Variants in DCLK2 observed in about 807,000 individuals in gnomAD.
The protein encoded by DCLK2 is doublecortin like kinase 2.
In DCLK2, 31 loss-of-function variants were observed where a neutral mutation model predicts 78.4. The ratio of observed to expected loss-of-function variants is 0.40; its 90% CI spans 0.30 to 0.53. The LOEUF is 0.53. Ranked by LOEUF, DCLK2 falls within the 20% of genes least tolerant of loss-of-function variation. DCLK2 has a pLI of 0.61. For synonymous variants in DCLK2, 407 were observed against 374.9 expected, an observed-to-expected ratio of 1.09 and a Z score of -0.99; for missense variants, 872 against 973.7, an observed-to-expected ratio of 0.90 and a Z score of 1.39.
chr4:150,191,133 CA>C (rs1248962503), intron 2 of DCLK2, among the ~76,000 whole-genome samples: 1 of 152,034 alleles, frequency 6.6e-6, no homozygotes, highest in East Asian at 1.9e-4. Flanking sequence ...TCAAAAGGAA[CA>C]AACAAAAAAC....
At chr4:150,174,783 G>C (rs1450985786) in intron 2 of DCLK2, among the ~76,000 whole-genome samples, 1 of 150,874 alleles carries the variant, frequency 6.6e-6, no homozygotes, top group Non-Finnish European at 1.5e-5. Context: ...GATCACCTGA[G>C]GTCAGGAGTT....
chr4:150,255,945 G>GTGC (rs1744524096), intron 15 of DCLK2, 75 bp from the exon 16 acceptor site: 2 of 1,560,346 alleles, frequency 1.3e-6, no homozygotes, highest in Non-Finnish European at 1.7e-6. Flanking sequence ...ATGCTCTGTT[G>GTGC]TGCTCTCTGC....
chr4:150,160,750 G>T (rs1008923487), intron 2 of DCLK2, among the ~76,000 whole-genome samples: 1 of 152,182 alleles, frequency 6.6e-6, no homozygotes, highest in African/African-American at 2.4e-5. Flanking sequence ...TCTGTTCTGA[G>T]AGAAGGAAAA....
rs1229124346 is a variant in DCLK2 at position 150,079,530 on chromosome 4, C to G, written c.421+82C>G. The G allele has an allele frequency of 2.6e-5, 35 of 1,349,818 alleles. No individual in the cohort carries two copies. The East Asian group carries it at 8.4e-4, about 32-fold the overall frequency. 83.6% of individuals were successfully genotyped at this position (1,349,818 alleles called of 1,614,324 possible). A position where few individuals can be genotyped will look rare whatever the true frequency, so the allele number is the denominator to read the frequency against. The stretch of plus-strand genomic sequence containing the variant: ...GCGTGAGCCGGCGCAGCGGGGAGCC[C>G]GCGGGGTGCTTTCCAAGCCGCACGG... On this transcript the variant is annotated intron_variant, in intron 1 of 15. Coordinates refer to ENST00000296550, the MANE Select transcript of DCLK2 (RefSeq NM_001040260.4).
At chr4:150,186,078 G>A (rs1214618129) in intron 2 of DCLK2, among the ~76,000 whole-genome samples, 1 of 152,138 alleles carries the variant, frequency 6.6e-6, no homozygotes, top group Non-Finnish European at 1.5e-5. Flanking sequence ...AGGCCACGTG[G>A]CATCCATTAT....
chr4:150,104,388 A>G (rs1323930058), intron 2 of DCLK2, among the ~76,000 whole-genome samples: 1 of 130,230 alleles, frequency 7.7e-6, no homozygotes, highest in Non-Finnish European at 1.6e-5. Context: ...AAAAGACCAC[A>G]TCTCCTAAAA....
chr4:150,115,714 G>A (rs1225568949), intron 2 of DCLK2, among the ~76,000 whole-genome samples: 1 of 152,200 alleles, frequency 6.6e-6, no homozygotes, highest in African/African-American at 2.4e-5. Context: ...ATTGCTGTAG[G>A]ATTGAAATGG....
chr4:150,130,738 T>C, intron 2 of DCLK2, among the ~76,000 whole-genome samples: 1 of 152,030 alleles, frequency 6.6e-6, no homozygotes, highest in South Asian at 2.1e-4. Flanking sequence ...GGAGACATGC[T>C]CACTCTAGAT....
chr4:150,190,247 A>T lies in DCLK2; in HGVS notation c.757-2891A>T, dbSNP rs1202147670. Among the ~76,000 whole-genome samples, 165 of 66,848 alleles carry T rather than the reference A, an allele frequency of 2.5e-3. 1 individual carries two copies. The highest frequency in any genetic ancestry group is 0.014 in the Middle Eastern group (2 of 140). The allele number at this position is 66,848 out of a possible 152,430, so 43.9% of individuals were successfully genotyped here. On this transcript the variant is annotated intron_variant, in intron 2 of 15. Coordinates refer to ENST00000296550, the MANE Select transcript of DCLK2 (RefSeq NM_001040260.4). ...GATAGATGGATAGTTAGATAGATAG[A>T]TAGATAGATAGATAGATAGATAGAT...
At chr4:150,250,503 C>T (rs1346154909) in intron 15 of DCLK2, among the ~76,000 whole-genome samples, 1 of 151,998 alleles carries the variant, frequency 6.6e-6, no homozygotes, top group Non-Finnish European at 1.5e-5. Flanking sequence ...CCTTGGTTCT[C>T]CCCACACACT....
At chr4:150,224,135 A>G (rs187228663) in intron 7 of DCLK2, among the ~76,000 whole-genome samples, 1 of 152,302 alleles carries the variant, frequency 6.6e-6, no homozygotes, top group East Asian at 1.9e-4. Flanking sequence ...TTATGAAAGA[A>G]TATTTAATTA....
chr4:150,160,107 C>CA (rs1406666597), intron 2 of DCLK2, among the ~76,000 whole-genome samples: 1 of 151,954 alleles, frequency 6.6e-6, no homozygotes, highest in African/African-American at 2.4e-5. Context: ...CTTGACCTCC[C>CA]AGGCTTAAGT....
chr4:150,129,029 G>A (rs552655659), intron 2 of DCLK2, among the ~76,000 whole-genome samples: 2 of 152,218 alleles, frequency 1.3e-5, no homozygotes, highest in South Asian at 4.1e-4. Context: ...CTGAGCTTGT[G>A]AACATTTTTC....
chr4:150,192,845 T>C (rs1432784949), intron 2 of DCLK2, among the ~76,000 whole-genome samples: 1 of 152,126 alleles, frequency 6.6e-6, no homozygotes, highest in Non-Finnish European at 1.5e-5. Flanking sequence ...ACCACCCATC[T>C]GTGGGGAACC....
intron 5 of DCLK2, among the ~76,000 whole-genome samples, chr4:150,218,090 C>G (rs1180864978): frequency 6.9e-6 from 1 of 145,026 alleles, no homozygotes; most frequent in Non-Finnish European, 1.5e-5. Flanking sequence ...CTCCCCCGCC[C>G]CCCCTCCCCC....
At position 150,256,262 on chromosome 4, in the gene DCLK2, G is replaced by A; in HGVS notation, c.*15G>A. On this transcript the variant is annotated 3_prime_UTR_variant, in exon 16 of 16. Coordinates refer to ENST00000296550, the MANE Select transcript of DCLK2 (RefSeq NM_001040260.4). ...ACCGAGACTGAGCCTCCTGCAGACG[G>A]GCGAAGCCGCCTGCTGCAGCCCAGG... The A allele has an allele frequency of 2.0e-6, 3 of 1,488,896 alleles. No individual in the cohort carries two copies. The highest frequency in any genetic ancestry group is 1.3e-5 in the South Asian group (1 of 76,226). The allele number at this position is 1,488,896 out of a possible 1,614,324, so 92.2% of individuals were successfully genotyped here.
chr4:150,248,255 A>AT, intron 13 of DCLK2, 50 bp from the exon 14 acceptor site: 1 of 1,519,170 alleles, frequency 6.6e-7, no homozygotes, highest in Non-Finnish European at 9.1e-7. Flanking sequence ...TTATGCTGGA[A>AT]TTACCTCCTT....
chr4:150,246,666 T>C (rs903919653), intron 12 of DCLK2, among the ~76,000 whole-genome samples: 35 of 110,458 alleles, frequency 3.2e-4, no homozygotes, highest in African/African-American at 9.9e-4. Context: ...TAGCCATCGA[T>C]GCACCCACCA....
At chr4:150,157,911 G>A (rs1452283288) in intron 2 of DCLK2, among the ~76,000 whole-genome samples, 2 of 152,178 alleles carry the variant, frequency 1.3e-5, no homozygotes, top group Non-Finnish European at 2.9e-5. Context: ...TTATAGGCAT[G>A]AGCTGCCGTG....
Sources: gnomAD v4.1 joint callset for allele counts (sites outside exome capture counted in the v4.1 genomes callset) on GRCh38, gnomAD v4.1.1 for gene constraint, MANE v1.5 for transcripts, NCBI Gene and HGNC (gene_info 2026-07-23, HGNC 2026-07-21) for gene names.